Variants in NRG3 observed in about 807,000 individuals in gnomAD.
NRG3 encodes the protein pro-neuregulin-3, membrane-bound isoform.
Under a neutral mutation model 66.9 loss-of-function variants are expected in NRG3, and 31 were observed. The ratio of observed to expected loss-of-function variants is 0.46; its 90% CI spans 0.35 to 0.63. The LOEUF is 0.63. NRG3 is among the 20% of genes least tolerant of loss of function. NRG3 has a pLI of 0.00. For missense variants in NRG3, 910 were observed against 878.9 expected (o/e 1.04, Z -0.45); for synonymous variants, 393 against 359.4 (o/e 1.09, Z -1.06).
At chr10:82,922,432 ATG>A (rs1327782538) in intron 4 of NRG3, among the ~76,000 whole-genome samples, 16 of 152,122 alleles carry the variant, frequency 1.1e-4, no homozygotes, top group Admixed American at 1.0e-3. Context: ...TTCTTTACCT[ATG>A]TCTGTCTTTC....
At chr10:82,955,885 G>C (rs373510133) in intron 5 of NRG3, among the ~76,000 whole-genome samples, 2 of 151,962 alleles carry the variant, frequency 1.3e-5, no homozygotes, top group Non-Finnish European at 1.5e-5. Context: ...ATGATGCATC[G>C]ATATGAGGCT....
intron 1 of NRG3, among the ~76,000 whole-genome samples, chr10:82,163,588 G>T (rs2071780223): frequency 6.6e-6 from 1 of 152,164 alleles, no homozygotes; most frequent in Non-Finnish European, 1.5e-5. Flanking sequence ...GAAATCTCTG[G>T]TATGTCAATG....
At chr10:82,833,298 A>G (rs578153097) in intron 3 of NRG3, among the ~76,000 whole-genome samples, 9 of 152,258 alleles carry the variant, frequency 5.9e-5, no homozygotes, top group African/African-American at 2.2e-4. Flanking sequence ...AGATCTTAAG[A>G]GCATTCTACT....
At chr10:82,316,349 T>C (rs2081295642) in intron 1 of NRG3, among the ~76,000 whole-genome samples, 1 of 152,180 alleles carries the variant, frequency 6.6e-6, no homozygotes, top group South Asian at 2.1e-4. Context: ...AAGTATACAA[T>C]TTGTTTTGTC....
intron 1 of NRG3, among the ~76,000 whole-genome samples, chr10:82,218,986 T>G (rs567712864): frequency 1.3e-5 from 2 of 152,060 alleles, no homozygotes; most frequent in South Asian, 4.2e-4. Context: ...AATCTGAATA[T>G]CTGAGTTTGT....
chr10:82,769,167 A>G (rs1241498433), intron 3 of NRG3, among the ~76,000 whole-genome samples: 1 of 152,136 alleles, frequency 6.6e-6, no homozygotes, highest in East Asian at 1.9e-4. Flanking sequence ...ACCAACCTAT[A>G]TGTTTTTGCC....
At chr10:82,599,847 A>C (rs1296175491) in intron 2 of NRG3, among the ~76,000 whole-genome samples, 1 of 152,078 alleles carries the variant, frequency 6.6e-6, no homozygotes, top group African/African-American at 2.4e-5. Context: ...AATAAAGTGA[A>C]ACAAAACAAA....
rs2079816223 is a variant in NRG3, at chr10:82,292,679, A to G, written c.824-66060A>G. On this transcript the variant is annotated intron_variant, in intron 1 of 8. Transcript: ENST00000372141. ...TACTCAATAAAATAATGAACTGTTG[A>G]TACAGTCAACAACTTAAATAAACCT... is the stretch of plus-strand genomic sequence containing the variant. Among the ~76,000 whole-genome samples, 5 of 152,350 alleles carry G rather than the reference A, an allele frequency of 3.3e-5. No homozygotes were observed. The South Asian group carries it at 1.0e-3, about 32-fold the overall frequency.
At chr10:82,738,794 T>G (rs2058278511) in intron 3 of NRG3, 144 bp downstream of exon 3, 2 of 713,460 alleles carry the variant, frequency 2.8e-6, no homozygotes, top group Non-Finnish European at 4.9e-6. Context: ...CAGATGTTGA[T>G]GTTCAAAGCA....
At chr10:82,824,731 T>TC (rs2062115298) in intron 3 of NRG3, among the ~76,000 whole-genome samples, 1 of 152,024 alleles carries the variant, frequency 6.6e-6, no homozygotes, top group Admixed American at 6.6e-5. Context: ...TTTTTTTTTT[T>TC]TTTGAGGCAG....
chr10:82,200,595 G>T (rs1210278290), intron 1 of NRG3, among the ~76,000 whole-genome samples: 1 of 152,062 alleles, frequency 6.6e-6, no homozygotes, highest in Non-Finnish European at 1.5e-5. Context: ...TCAATGATGG[G>T]TTCTAACTCT....
Position 81,875,710 on chromosome 10 carries a change from G to A in NRG3, c.370G>A (p.Ala124Thr). ...CTCCAAGCCCAGCTCTTTCCCCAAG[G>A]CCATGGAGACCACCACCACTACCAC... ...FLSKPSSFPK[A>T]METTTTTTST... Residue 124 changes from alanine to threonine, a missense_variant, in exon 1 of 9, where the codon GCC becomes ACC. Physicochemically the swap from Ala to Thr is moderately conservative, Grantham distance 58. Transcript: ENST00000372141. The surrounding 1 kb of genome is among the most constrained non-coding windows in gnomAD (Gnocchi z 5.3). 6.2e-7 allele frequency: 1 copy of A among 1,613,500 alleles called. No homozygotes were observed. Among genetic ancestry groups the A allele is most frequent in the Non-Finnish European group, 8.5e-7 (1 of 1,179,952 alleles).
intron 1 of NRG3, among the ~76,000 whole-genome samples, chr10:82,237,604 T>C (rs973702921): frequency 5.9e-5 from 9 of 152,156 alleles, no homozygotes; most frequent in African/African-American, 2.2e-4. Context: ...GCTTAATATA[T>C]TATTCTTGAA....
chr10:82,070,692 T>C (rs973767358), intron 1 of NRG3, among the ~76,000 whole-genome samples: 5 of 152,126 alleles, frequency 3.3e-5, no homozygotes, highest in Non-Finnish European at 7.4e-5. Context: ...ACAAAGGATA[T>C]GACTAGGCAG....
At chr10:82,297,137 A>G (rs752544147) in intron 1 of NRG3, among the ~76,000 whole-genome samples, 2 of 152,236 alleles carry the variant, frequency 1.3e-5, no homozygotes, top group Non-Finnish European at 2.9e-5. Context: ...GCTGCATAGT[A>G]TTCCATGGTC....
chr10:82,067,376 G>T (rs2064540049), intron 1 of NRG3, among the ~76,000 whole-genome samples: 1 of 152,174 alleles, frequency 6.6e-6, no homozygotes, highest in South Asian at 2.1e-4. Context: ...TTGTTTGCTT[G>T]CTTTGGAGAC....
intron 2 of NRG3, among the ~76,000 whole-genome samples, chr10:82,580,219 T>C (rs1160404546): frequency 6.6e-6 from 1 of 152,014 alleles, no homozygotes; most frequent in Admixed American, 6.6e-5. Flanking sequence ...GCATCATGTT[T>C]ACTTTTTAGC....
chr10:82,984,986 T>A, intron 8 of NRG3, 112 bp from the exon 9 acceptor site: 1 of 1,354,624 alleles, frequency 7.4e-7, no homozygotes, highest in South Asian at 1.3e-5. Flanking sequence ...CTCATGGGGT[T>A]GCTGTGAGAA....
chr10:82,820,305 T>C (rs2061894741), intron 3 of NRG3, among the ~76,000 whole-genome samples: 2 of 152,230 alleles, frequency 1.3e-5, no homozygotes, highest in African/African-American at 2.4e-5. Context: ...GTGAAATAAA[T>C]ACATCACAGT....
Sources: gnomAD v4.1 joint callset for allele counts (sites outside exome capture counted in the v4.1 genomes callset) on GRCh38, gnomAD v4.1.1 for gene constraint, Gnocchi (gnomAD v3.1) non-coding constraint, MANE v1.5 for transcripts, NCBI Gene and HGNC (gene_info 2026-07-23, HGNC 2026-07-21) for gene names.